The following ZCCHC8 variants were observed in gnomAD, a reference collection of about 807,000 sequenced individuals.
The protein encoded by ZCCHC8 is zinc finger CCHC domain-containing protein 8.
A neutral mutation model predicts 70.6 loss-of-function variants in ZCCHC8; 27 were observed. That is an observed-to-expected ratio of 0.38 (90% CI 0.28 to 0.53). ZCCHC8 has a LOEUF of 0.53. ZCCHC8 is among the 20% of genes least tolerant of loss of function. ZCCHC8 has a pLI of 0.81. For missense variants in ZCCHC8, 737 were observed against 876.9 expected, an observed-to-expected ratio of 0.84 and a Z score of 2.01; for synonymous variants, 293 against 317.4, an observed-to-expected ratio of 0.92 and a Z score of 0.82.
intron 10 of ZCCHC8, 188 bp from the exon 11 acceptor site, chr12:122,480,499 G>A (rs548782660): frequency 2.2e-6 from 1 of 449,556 alleles, no homozygotes; most frequent in East Asian, 4.2e-5. Context: ...TTGAGAAAGG[G>A]TCTTGCTTTG....
rs1323086391 is a variant in ZCCHC8, at chr12:122,477,918, G to C, written c.1268C>G (p.Ser423Cys). The C allele has an allele frequency of 1.9e-6, 3 of 1,613,954 alleles. No individual in the cohort carries two copies. The highest frequency in any genetic ancestry group is 1.1e-5 in the South Asian group (1 of 91,076). Residue 423 changes from serine to cysteine, a missense_variant, in exon 13 of 14, where the codon TCT becomes TGT. By Grantham distance (112) the Ser-to-Cys change is moderately radical (BLOSUM62 -1). Transcript: ENST00000633063. ...CTGCTTCTTTGGACTACCTGGGCTA[G>C]AGTGAGATGAAGACCTCTTGTTGCC... ...KSGNKRSSSHSSPGSPKKQKN... is the reference protein window; with the variant it reads ...KSGNKRSSSHCSPGSPKKQKN...
chr12:122,488,907 A>G (rs1957693124), intron 5 of ZCCHC8, among the ~76,000 whole-genome samples: 1 of 152,040 alleles, frequency 6.6e-6, no homozygotes, highest in African/African-American at 2.4e-5. Flanking sequence ...CTGCAAAATC[A>G]TACTACTACA....
chr12:122,483,691 GTTA>G lies in ZCCHC8; in HGVS notation c.502-131_502-129del. On this transcript the variant is annotated intron_variant, in intron 5 of 13. Transcript: ENST00000633063. This position sits in a 1 kb window ranked among gnomAD's most constrained non-coding sequence, Gnocchi z 4.4. The stretch of plus-strand genomic sequence containing the variant: ...AATTATTAGAAATAATAACTTCCTT[GTTA>G]TTAAGGAGCCAGACTTTGATGTGTA... The G allele has an allele frequency of 6.3e-6, 5 of 788,608 alleles. No homozygotes were observed. Among genetic ancestry groups the G allele is most frequent in the Non-Finnish European group, 9.9e-6 (5 of 502,928 alleles). 48.9% of individuals were successfully genotyped at this position (788,608 alleles called of 1,614,324 possible).
At chr12:122,491,466 T>C (rs1253328625) in intron 3 of ZCCHC8, among the ~76,000 whole-genome samples, 1 of 148,574 alleles carries the variant, frequency 6.7e-6, no homozygotes, top group South Asian at 2.1e-4. Flanking sequence ...TGGGTGGAGG[T>C]TGTAGTGAGC....
chr12:122,474,182 G>T lies in ZCCHC8; in HGVS notation c.1439C>A (p.Pro480His). 1 of 1,515,868 alleles carries T rather than the reference G, an allele frequency of 6.6e-7. No individual in the cohort carries two copies. Among genetic ancestry groups the T allele is most frequent in the Non-Finnish European group, 8.8e-7 (1 of 1,140,880 alleles). 93.9% of individuals were successfully genotyped at this position (1,515,868 alleles called of 1,614,324 possible). A position where few individuals can be genotyped will look rare whatever the true frequency, so the allele number is the denominator to read the frequency against. ...PDTPPLPRGT[P>H]PPVFTPPLPK... is the part of the protein sequence containing the mutation. ...GAGTGGAGGGGTGAAGACGGGTGGA[G>T]GAGTTCCCCGGGGGAGTGGAGGAGT... Residue 480 changes from proline (P) to histidine (H), a missense_variant, in exon 14 of 14, where the codon CCT becomes CAT. Transcript: ENST00000633063.
Position 122,483,551 on chromosome 12 carries a change from C to T in ZCCHC8, c.514G>A (p.Val172Ile). Residue 172 changes from valine to isoleucine, a missense_variant, in exon 6 of 14, where the codon GTC (valine) becomes ATC (isoleucine). By Grantham distance (29) the Val-to-Ile change is conservative (BLOSUM62 3). Transcript: ENST00000633063. This position sits in a 1 kb window ranked among gnomAD's most constrained non-coding sequence, Gnocchi z 4.4. Reference protein sequence around the residue: ...NKEAFSVVGSVLYFTNFCLDK... With the variant: ...NKEAFSVVGSILYFTNFCLDK... ...AGGCAAAAATTAGTAAAATACAGGA[C>T]ACTTCCTACAACCTGCAGAAAACAA... is the stretch of plus-strand genomic sequence containing the variant. 6.3e-7 allele frequency: 1 copy of T among 1,579,610 alleles called. No homozygotes were observed. Among genetic ancestry groups the T allele is most frequent in the South Asian group, 1.2e-5 (1 of 86,240 alleles).
intron 2 of ZCCHC8, 47 bp downstream of exon 2, chr12:122,498,780 G>A: frequency 1.3e-6 from 2 of 1,556,352 alleles, no homozygotes; most frequent in Admixed American, 1.7e-5. Context: ...TTAATATCAG[G>A]ATAAATAATA....
Position 122,500,546 on chromosome 12 carries a change from GCGCCCT to G in ZCCHC8, c.199+90_199+95del, listed in dbSNP as rs920168154. On this transcript the variant is annotated intron_variant, in intron 1 of 13. Transcript: ENST00000633063. The surrounding 1 kb of genome is among the most constrained non-coding windows in gnomAD (Gnocchi z 4.8). Reference sequence around the variant, plus strand: ...TCTGGCCCTCCTGGAACTTCCGCCCGCGCCCTCGCCCTCGCCCGGCGCTGCCCCGGC... The same window carrying G: ...TCTGGCCCTCCTGGAACTTCCGCCCGCGCCCTCGCCCGGCGCTGCCCCGGC... 3.6e-6 allele frequency: 5 copies of G among 1,380,322 alleles called. No individual in the cohort carries two copies. Among genetic ancestry groups the G allele is most frequent in the South Asian group, 1.5e-5 (1 of 68,584 alleles). The allele number at this position is 1,380,322 out of a possible 1,614,324, so 85.5% of individuals were successfully genotyped here.
At chr12:122,478,953 G>A (rs1388370272) in intron 11 of ZCCHC8, among the ~76,000 whole-genome samples, 3 of 152,078 alleles carry the variant, frequency 2.0e-5, no homozygotes, top group East Asian at 3.9e-4. Context: ...ATGCACTTCC[G>A]CCCGTAATGA....
intron 2 of ZCCHC8, among the ~76,000 whole-genome samples, chr12:122,494,332 T>C (rs1957792582): frequency 6.6e-6 from 1 of 150,772 alleles, no homozygotes; most frequent in South Asian, 2.1e-4. Context: ...GGCGGGTGGA[T>C]CACGAGGTCA....
chr12:122,497,097 T>A (rs1459325688), intron 2 of ZCCHC8, among the ~76,000 whole-genome samples: 1 of 151,018 alleles, frequency 6.6e-6, no homozygotes, highest in Non-Finnish European at 1.5e-5. Context: ...GAGGCTGCAG[T>A]GAGCCGAGGT....
intron 2 of ZCCHC8, among the ~76,000 whole-genome samples, chr12:122,493,107 A>T (rs779391227): frequency 1.3e-5 from 2 of 152,112 alleles, no homozygotes; most frequent in Non-Finnish European, 2.9e-5. Context: ...AGCTCAAGGG[A>T]TCCACCTGCC....
At chr12:122,492,691 T>C (rs1957768470) in intron 3 of ZCCHC8, 24 bp downstream of exon 3, 2 of 1,425,434 alleles carry the variant, frequency 1.4e-6, no homozygotes, top group Non-Finnish European at 1.9e-6. Flanking sequence ...TTATTATATT[T>C]AGGAAAGGGA....
rs1216739029 is a variant in ZCCHC8, at chr12:122,483,924, C to A, written c.502-361G>T. 2 of 182,180 alleles carry A rather than the reference C, an allele frequency of 1.1e-5. No individual in the cohort carries two copies. Among genetic ancestry groups the A allele is most frequent in the Non-Finnish European group, 2.3e-5 (2 of 87,420 alleles). The allele number at this position is 182,180 out of a possible 1,614,324, so 11.3% of individuals were successfully genotyped here. On this transcript the variant is annotated intron_variant, in intron 5 of 13. Transcript: ENST00000633063. This position sits in a 1 kb window ranked among gnomAD's most constrained non-coding sequence, Gnocchi z 4.4. ...GTTATTGTTTCCATTTCCTTTCTTC[C>A]CATTTACTCTTTTCTTATCCCTCCA...
At position 122,500,741 on chromosome 12, in the gene ZCCHC8, C is replaced by T. The variant is rs1389440104; in HGVS notation, c.100G>A (p.Asp34Asn). Residue 34 changes from aspartate to asparagine, a missense_variant, in exon 1 of 14, where the codon GAC becomes AAC. Physicochemically the swap from Asp to Asn is conservative, Grantham distance 23 (BLOSUM62 1). Coordinates refer to ENST00000633063, the MANE Select transcript of ZCCHC8 (RefSeq NM_017612.5). The surrounding 1 kb of genome is among the most constrained non-coding windows in gnomAD (Gnocchi z 4.8). Reference protein sequence around the residue: ...PKPVHTRFKDDDGDEEDENGV... With the variant: ...PKPVHTRFKDNDGDEEDENGV... ...TTTTCGTCCTCCTCGTCGCCGTCGT[C>T]GTCCTTGAAGCGAGTGTGAACGGGC... The T allele has an allele frequency of 2.5e-6, 4 of 1,585,956 alleles. No individual in the cohort carries two copies. The highest frequency in any genetic ancestry group is 1.7e-6 in the Non-Finnish European group (2 of 1,166,582).
At chr12:122,485,724 G>A (rs1293070886) in intron 5 of ZCCHC8, among the ~76,000 whole-genome samples, 1 of 150,760 alleles carries the variant, frequency 6.6e-6, no homozygotes. Flanking sequence ...AGGCTGGAGT[G>A]CAGTGGCGCG....
At chr12:122,476,599 AAAAAAC>A (rs1239935480) in intron 13 of ZCCHC8, among the ~76,000 whole-genome samples, 4 of 151,828 alleles carry the variant, frequency 2.6e-5, no homozygotes, top group African/African-American at 9.7e-5. Context: ...GTCTCAAAAA[AAAAAAC>A]AAAAAACAAA....
In ZCCHC8 at chr12:122,490,498, A is replaced by T. The variant is rs751100342; in HGVS notation, c.387T>A (p.Asn129Lys). Residue 129 changes from asparagine to lysine, a missense_variant, in exon 4 of 14, where the codon AAT becomes AAA. Asn to Lys is a moderately conservative substitution (Grantham distance 94). Transcript: ENST00000633063. ...LVKRFEEQQK[N>K]DVEKTSFNLL... ...GATTAAAGGAAGTCTTTTCCACATCATTTTTCTGCTGTTCCTCAAATCTTT... is the reference window on the plus strand; with the variant it reads ...GATTAAAGGAAGTCTTTTCCACATCTTTTTTCTGCTGTTCCTCAAATCTTT... 6.2e-7 allele frequency: 1 copy of T among 1,612,916 alleles called. No homozygotes were observed. The highest frequency in any genetic ancestry group is 1.1e-5 in the South Asian group (1 of 90,946).
chr12:122,486,949 C>G (rs1957653800), intron 5 of ZCCHC8, among the ~76,000 whole-genome samples: 1 of 152,196 alleles, frequency 6.6e-6, no homozygotes, highest in Admixed American at 6.5e-5. Context: ...CACCTGTTTC[C>G]TCATCTGTAC....
Sources: allele counts gnomAD v4.1 joint callset (sites outside exome capture counted in the v4.1 genomes callset), GRCh38; gene constraint gnomAD v4.1.1; non-coding constraint Gnocchi (gnomAD v3.1); transcripts MANE v1.5; gene names NCBI Gene and HGNC (gene_info 2026-07-23, HGNC 2026-07-21).